The following OBSL1 variants were observed in gnomAD, a reference collection of about 807,000 sequenced individuals.
OBSL1 encodes obscurin-like protein 1.
Under a neutral mutation model 172.0 loss-of-function variants are expected in OBSL1, and 160 were observed. The ratio of observed to expected loss-of-function variants is 0.93; its 90% CI spans 0.82 to 1.06. OBSL1 has a LOEUF of 1.06. Among genes scored for constraint, OBSL1 ranks in the 50% least tolerant of loss-of-function variants. The pLI, the probability that OBSL1 is intolerant of heterozygous loss-of-function variation, is 0.00. For missense variants in OBSL1, 2,681 were observed against 2,715.4 expected, an observed-to-expected ratio of 0.99 and a Z score of 0.28; for synonymous variants, 1,200 against 1,196.3, an observed-to-expected ratio of 1.00 and a Z score of -0.06.
chr2:219,552,204 ATG>A lies in OBSL1; in HGVS notation c.5319_5320del (p.Ile1774SerfsTer4). 2 of 1,605,796 alleles carry A rather than the reference ATG, an allele frequency of 1.2e-6. No individual in the cohort carries two copies. The highest frequency in any genetic ancestry group is 1.1e-5 in the South Asian group (1 of 89,622). On this transcript the variant is annotated frameshift_variant, in exon 19 of 21. Transcript: ENST00000404537. LOFTEE classifies it high-confidence loss of function. ...GGCGCGCAGCTCGCTAAGCACCAGAATGTGTTTCTTCCCTGGGGGTGAGGGGG... is the reference window on the plus strand; with the variant it reads ...GGCGCGCAGCTCGCTAAGCACCAGAATGTTTCTTCCCTGGGGGTGAGGGGG...
chr2:219,559,724 A>G, intron 8 of OBSL1: 1 of 528,136 alleles, frequency 1.9e-6, no homozygotes, highest in Non-Finnish European at 3.3e-6. Flanking sequence ...CTCATCTATC[A>G]CATACCTTCC....
intron 8 of OBSL1, chr2:219,561,691 C>A (rs1255371128): frequency 3.4e-6 from 2 of 592,806 alleles, no homozygotes; most frequent in Non-Finnish European, 6.1e-6. Flanking sequence ...CTGCCCTTGG[C>A]CCTCACAGTA....
intron 5 of OBSL1, among the ~76,000 whole-genome samples, chr2:219,566,550 T>C (rs569705971): frequency 6.6e-6 from 1 of 152,174 alleles, no homozygotes; most frequent in East Asian, 1.9e-4. Flanking sequence ...GTCTTTCAAA[T>C]GAGATGACAA....
Position 219,568,121 on chromosome 2 carries a change from C to G in OBSL1, c.1216G>C (p.Asp406His). 1 of 1,613,844 alleles carries G rather than the reference C, an allele frequency of 6.2e-7. No homozygotes were observed. Among genetic ancestry groups the G allele is most frequent in the Non-Finnish European group, 8.5e-7 (1 of 1,179,898 alleles). The change falls in exon 2 of 21, where the codon GAT becomes CAT. Residue 406 changes from aspartate (D) to histidine (H), a missense_variant. Physicochemically the swap from Asp to His is moderately conservative, Grantham distance 81. Transcript: ENST00000404537. This position sits in a 1 kb window ranked among gnomAD's most constrained non-coding sequence, Gnocchi z 4.1. ...RLIIHRLKAD[D>H]DGIYLCEMRG... ...ATCTCGCACAGGTAGATACCATCAT[C>G]GTCTGCCTTCAGCCTGTGGATGATG...
At chr2:219,547,962 C>T, downstream of OBSL1, 5 of 1,589,456 alleles carry the variant, frequency 3.1e-6, no homozygotes, top group Non-Finnish European at 3.4e-6. Flanking sequence ...CTCCGGGCTG[C>T]TCCTGTGCCC....
intron 18 of OBSL1, 105 bp from the exon 19 acceptor site, chr2:219,552,321 T>G: frequency 9.0e-7 from 1 of 1,105,150 alleles, no homozygotes; most frequent in East Asian, 2.6e-5. Context: ...ACGCCGTTAG[T>G]GTATGCTAGG....
At chr2:219,547,466 C>G, downstream of OBSL1, 435 of 1,374,234 alleles carry the variant, frequency 3.2e-4, no homozygotes, top group Non-Finnish European at 3.7e-4. Context: ...CAGCCTGGTG[C>G]CCTCATCTTG....
intron 12 of OBSL1, chr2:219,557,025 T>TC (rs939890832): frequency 4.2e-6 from 2 of 479,940 alleles, no homozygotes; most frequent in African/African-American, 1.9e-5. Flanking sequence ...AAAAGCACTA[T>TC]CCCCTCTTTT....
At chr2:219,566,053 G>T (rs565947705) in intron 5 of OBSL1, among the ~76,000 whole-genome samples, 1 of 152,272 alleles carries the variant, frequency 6.6e-6, no homozygotes, top group East Asian at 1.9e-4. Context: ...TCAGGAGCCC[G>T]ACTGCCTGGG....
chr2:219,571,423 G>A lies in OBSL1; in HGVS notation c.-191C>T. 2 of 336,370 alleles carry A rather than the reference G, an allele frequency of 5.9e-6. No homozygotes were observed. The highest frequency in any genetic ancestry group is 8.3e-4 in the Middle Eastern group (1 of 1,202). 20.8% of individuals were successfully genotyped at this position (336,370 alleles called of 1,614,324 possible). On this transcript the variant is annotated 5_prime_UTR_variant, in exon 1 of 21. Coordinates refer to ENST00000404537, the MANE Select transcript of OBSL1 (RefSeq NM_015311.3). ...GGCCCCGAGCTGCAGCTCTGCGGCG[G>A]CGGCGGCGGCGATTCCCGGGCCCGA...
intron 20 of OBSL1, chr2:219,551,226 G>A (rs1695589126): frequency 1.4e-6 from 2 of 1,392,894 alleles, no homozygotes; most frequent in Non-Finnish European, 1.9e-6. Flanking sequence ...AAAGGAACTG[G>A]TAGAAACAGG....
rs746919160 is a variant in OBSL1, at chr2:219,556,475, T to C, written c.4315A>G (p.Ser1439Gly). ...VTLRAGSTAT[S>G]ARLHVRETEL... The stretch of plus-strand genomic sequence containing the variant: ...TAACCTCGAACATGGAGCCGGGCAC[T>C]TGTGGCCGTGCTCCCTGCCCGCAAA... Residue 1439 changes from serine (S) to glycine (G), a missense_variant, in exon 13 of 21, where the codon AGT becomes GGT. Ser to Gly is a moderately conservative substitution (Grantham distance 56). Coordinates refer to ENST00000404537, the MANE Select transcript of OBSL1 (RefSeq NM_015311.3). 17 of 1,613,672 alleles carry C rather than the reference T, an allele frequency of 1.1e-5. No individual in the cohort carries two copies. Among genetic ancestry groups the C allele is most frequent in the Non-Finnish European group, 1.4e-5 (16 of 1,179,882 alleles).
chr2:219,567,483 G>C lies in OBSL1; in HGVS notation c.1627C>G (p.Pro543Ala). 1.2e-6 allele frequency: 2 copies of C among 1,613,560 alleles called. No individual in the cohort carries two copies. The highest frequency in any genetic ancestry group is 1.7e-6 in the Non-Finnish European group (2 of 1,179,736). Residue 543 changes from proline to alanine, a missense_variant, in exon 4 of 21, where the codon CCA (proline) becomes GCA (alanine). Around this residue, in one of 5 missense-constraint regions of OBSL1, gnomAD observed 706 missense variants for 695.8 expected, o/e 1.01. Transcript: ENST00000404537. ...TVLLTWKPPEPAPETPFIYRL... is the reference protein window; with the variant it reads ...TVLLTWKPPEAAPETPFIYRL... Reference sequence around the variant, plus strand: ...TAGATGAATGGGGTCTCGGGAGCTGGCTCGGGAGGCTTCCAGGTCAACAGG... The same window carrying C: ...TAGATGAATGGGGTCTCGGGAGCTGCCTCGGGAGGCTTCCAGGTCAACAGG...
chr2:219,557,837 G>C lies in OBSL1; in HGVS notation c.3776C>G (p.Thr1259Ser), dbSNP rs766952492. The stretch of plus-strand genomic sequence containing the variant: ...GCTGTACTCACCAGCCACCTGGACG[G>C]TGAAGCTGAGGCTTGGGGCTCCGGG... Reference protein sequence around the residue: ...AAPGAPSLSFTVQVAEPPVRV... With the variant: ...AAPGAPSLSFSVQVAEPPVRV... The change falls in exon 11 of 21, where the codon ACC (threonine) becomes AGC (serine). Residue 1259 changes from threonine to serine, a missense_variant. By Grantham distance (58) the Thr-to-Ser change is moderately conservative. Around this residue, in one of 5 missense-constraint regions of OBSL1, gnomAD observed 1,765 missense variants for 1,748.3 expected, o/e 1.01. Coordinates refer to ENST00000404537, the MANE Select transcript of OBSL1 (RefSeq NM_015311.3). 6.9e-6 allele frequency: 11 copies of C among 1,598,768 alleles called. No homozygotes were observed. In the South Asian group the frequency reaches 1.2e-4, roughly 18 times the overall value.
chr2:219,559,748 G>C (rs929239702), intron 8 of OBSL1: 2 of 488,532 alleles, frequency 4.1e-6, no homozygotes, highest in African/African-American at 3.8e-5. Context: ...GCCCCCACGG[G>C]AGCCTCCCCC....
chr2:219,567,547 G>A lies in OBSL1; in HGVS notation c.1563C>T (p.Pro521=), dbSNP rs1295472846. 2 of 1,611,772 alleles carry A rather than the reference G, an allele frequency of 1.2e-6. No homozygotes were observed. The highest frequency in any genetic ancestry group is 2.2e-5 in the East Asian group (1 of 44,800). ...GGCCCTTGAACATCTCTGCCAATATGGGGGGTCCTGGGGGACTGTGCTTGA... is the reference window on the plus strand; with the variant it reads ...GGCCCTTGAACATCTCTGCCAATATAGGGGGTCCTGGGGGACTGTGCTTGA... ...KCVKHSPPGP[P]ILAEMFKGHK... is the part of the protein sequence containing the mutation. The change falls in exon 4 of 21, where the codon CCC becomes CCT. Residue 521 remains proline, a synonymous_variant. Transcript: ENST00000404537.
intron 5 of OBSL1, among the ~76,000 whole-genome samples, chr2:219,566,393 A>T (rs1344657818): frequency 6.6e-6 from 1 of 151,904 alleles, no homozygotes; most frequent in Non-Finnish European, 1.5e-5. Flanking sequence ...AAAAAAAAAG[A>T]ACCTATCTTA....
downstream of OBSL1, chr2:219,547,770 G>A (rs1269898083): frequency 1.3e-6 from 2 of 1,594,014 alleles, no homozygotes; most frequent in South Asian, 2.2e-5. Context: ...TACCAGCCAG[G>A]CTCCGTGTGG....
chr2:219,564,584 C>T (rs1696737619), intron 6 of OBSL1, among the ~76,000 whole-genome samples: 1 of 152,182 alleles, frequency 6.6e-6, no homozygotes, highest in Non-Finnish European at 1.5e-5. Flanking sequence ...GCATTTTGTT[C>T]CCCCACCCAA....
Sources: gnomAD v4.1 joint callset for allele counts (sites outside exome capture counted in the v4.1 genomes callset) on GRCh38, gnomAD v4.1.1 for gene constraint, gnomAD v4.1.1 regional missense constraint, Gnocchi (gnomAD v3.1) non-coding constraint, MANE v1.5 for transcripts, NCBI Gene and HGNC (gene_info 2026-07-23, HGNC 2026-07-21) for gene names.